The following TCF7L2 variants were observed in gnomAD, a reference collection of about 807,000 sequenced individuals.
The protein encoded by TCF7L2 is transcription factor 7-like 2.
A neutral mutation model predicts 77.9 loss-of-function variants in TCF7L2; 23 were observed. The observed-to-expected ratio is 0.30, with a 90% CI of 0.21 to 0.42. The LOEUF is 0.42. Among genes scored for constraint, TCF7L2 ranks in the 10% least tolerant of loss-of-function variants. The pLI is 1.00. For synonymous variants in TCF7L2, 413 were observed against 340.2 expected, an observed-to-expected ratio of 1.21 and a Z score of -2.36; for missense variants, 654 against 793.1, an observed-to-expected ratio of 0.82 and a Z score of 2.11.
At chr10:113,128,379 G>A (rs2066007894) in intron 5 of TCF7L2, among the ~76,000 whole-genome samples, 1 of 152,138 alleles carries the variant, frequency 6.6e-6, no homozygotes, top group Non-Finnish European at 1.5e-5. Context: ...GGGGAGCGGC[G>A]AGGGTGATTA....
chr10:113,117,744 GAAGAA>G (rs147032105), intron 5 of TCF7L2, among the ~76,000 whole-genome samples: 16,222 of 152,070 alleles, frequency 0.11, 958 homozygotes, highest in Non-Finnish European at 0.13. Context: ...TTGTGACATT[GAAGAA>G]AAGACAAGGA....
Position 113,165,985 on chromosome 10 carries a change from G to T in TCF7L2, c.*13G>T, listed in dbSNP as rs2137658810. ...GTCTTTAGAATAGCTTTAGCGTCGTGAACCCCGCTGCTTTGTTTATGGTTT... is the reference window on the plus strand; with the variant it reads ...GTCTTTAGAATAGCTTTAGCGTCGTTAACCCCGCTGCTTTGTTTATGGTTT... On this transcript the variant is annotated 3_prime_UTR_variant, in exon 14 of 14. Coordinates refer to ENST00000627217, the MANE Select transcript of TCF7L2 (RefSeq NM_001146274.2). The T allele has an allele frequency of 6.7e-7, 1 of 1,485,426 alleles. No individual in the cohort carries two copies. Among genetic ancestry groups the T allele is most frequent in the African/African-American group, 1.4e-5 (1 of 71,150 alleles). 92.0% of individuals were successfully genotyped at this position (1,485,426 alleles called of 1,614,324 possible).
intron 4 of TCF7L2, among the ~76,000 whole-genome samples, chr10:113,022,770 TGA>T (rs1161031987): frequency 6.6e-6 from 1 of 152,220 alleles, no homozygotes; most frequent in Non-Finnish European, 1.5e-5. Flanking sequence ...ACACGAACTC[TGA>T]GAGATGGCTG....
At chr10:112,974,815 G>A (rs1430211224) in intron 4 of TCF7L2, among the ~76,000 whole-genome samples, 1 of 152,144 alleles carries the variant, frequency 6.6e-6, no homozygotes, top group Non-Finnish European at 1.5e-5. Context: ...TAAAGTCCCT[G>A]AAAATCATGG....
At chr10:113,127,786 GAAGAAATTC>G (rs1360810364) in intron 5 of TCF7L2, among the ~76,000 whole-genome samples, 1 of 150,604 alleles carries the variant, frequency 6.6e-6, no homozygotes, top group Non-Finnish European at 1.5e-5. Context: ...TTTTTAGTTT[GAAGAAATTC>G]AAGAAATTTC....
intron 4 of TCF7L2, among the ~76,000 whole-genome samples, chr10:112,966,177 A>AATATACATATATATATATATATATAT (rs1564721739): frequency 2.7e-4 from 12 of 45,142 alleles, no homozygotes; most frequent in African/African-American, 1.4e-3. Context: ...CTCTGTCTAA[A>AATATACATATATATATATATATATAT]ATATATTTAT....
chr10:113,118,307 C>G (rs573452368), intron 5 of TCF7L2, among the ~76,000 whole-genome samples: 1 of 152,166 alleles, frequency 6.6e-6, no homozygotes, highest in East Asian at 1.9e-4. Context: ...ATATGTCTGT[C>G]TTGAGGTGAT....
At chr10:113,017,041 G>C (rs375870819) in intron 4 of TCF7L2, among the ~76,000 whole-genome samples, 1 of 152,086 alleles carries the variant, frequency 6.6e-6, no homozygotes, top group Non-Finnish European at 1.5e-5. Flanking sequence ...TTGTACCAGC[G>C]ATATCTCTTC....
At chr10:113,066,706 A>G (rs560998130) in intron 5 of TCF7L2, among the ~76,000 whole-genome samples, 23 of 152,356 alleles carry the variant, frequency 1.5e-4, no homozygotes, top group African/African-American at 5.3e-4. Context: ...TGGTTGTGCC[A>G]ACGATCAGCT....
chr10:113,122,749 G>A (rs1217830750), intron 5 of TCF7L2, among the ~76,000 whole-genome samples: 1 of 152,190 alleles, frequency 6.6e-6, no homozygotes, highest in African/African-American at 2.4e-5. Context: ...GGAATTTCTA[G>A]TAAATTGCTT....
At chr10:112,972,020 A>G (rs1267881189) in intron 4 of TCF7L2, among the ~76,000 whole-genome samples, 1 of 151,838 alleles carries the variant, frequency 6.6e-6, no homozygotes, top group Non-Finnish European at 1.5e-5. Context: ...TCCTGAGTTC[A>G]AGGGATTCTC....
chr10:112,994,365 G>A (rs536326685), intron 4 of TCF7L2, among the ~76,000 whole-genome samples: 9 of 152,186 alleles, frequency 5.9e-5, no homozygotes, highest in Non-Finnish European at 1.0e-4. Flanking sequence ...CTTAGCATAC[G>A]GTTCTCAAGG....
intron 5 of TCF7L2, among the ~76,000 whole-genome samples, chr10:113,068,581 C>T (rs1306669762): frequency 6.6e-6 from 1 of 152,176 alleles, no homozygotes; most frequent in Non-Finnish European, 1.5e-5. Flanking sequence ...AGTTCAAACA[C>T]TAAACACGGG....
At chr10:112,964,751 G>GTGATGGTGGTGGTGGTGGTGGTGGTGA (rs2036169532) in intron 4 of TCF7L2, 127 bp downstream of exon 4, 1 of 872,996 alleles carries the variant, frequency 1.1e-6, no homozygotes, top group African/African-American at 1.9e-5. Flanking sequence ...GGTGGTGGTG[G>GTGATGGTGGTGGTGGTGGTGGTGGTGA]TGGTGGTGAT....
intron 5 of TCF7L2, among the ~76,000 whole-genome samples, chr10:113,081,819 A>G (rs916064636): frequency 6.6e-6 from 1 of 152,102 alleles, no homozygotes; most frequent in African/African-American, 2.4e-5. Flanking sequence ...GGTCTGTTTG[A>G]ACTTCATTAT....
intron 4 of TCF7L2, among the ~76,000 whole-genome samples, chr10:112,974,784 C>G (rs1388287128): frequency 1.3e-5 from 2 of 152,116 alleles, no homozygotes; most frequent in Non-Finnish European, 2.9e-5. Context: ...TTTGTAAATT[C>G]TACTTTATAA....
intron 8 of TCF7L2, 95 bp from the exon 9 acceptor site, chr10:113,150,903 G>T (rs954173227): frequency 6.6e-7 from 1 of 1,516,704 alleles, no homozygotes; most frequent in Non-Finnish European, 8.9e-7. Flanking sequence ...TGAGTGTTAC[G>T]TGCTGTTTTT....
chr10:113,122,159 T>G (rs2064909432), intron 5 of TCF7L2, among the ~76,000 whole-genome samples: 2 of 152,264 alleles, frequency 1.3e-5, no homozygotes, highest in African/African-American at 4.8e-5. Flanking sequence ...ACACTTCTGC[T>G]TAAATTCTGA....
At chr10:113,072,048 A>C (rs1591326180) in intron 5 of TCF7L2, among the ~76,000 whole-genome samples, 1 of 92,440 alleles carries the variant, frequency 1.1e-5, no homozygotes, top group Non-Finnish European at 2.8e-5. Context: ...TTTTATTTTA[A>C]TTAATTAATT....
Sources: allele counts gnomAD v4.1 joint callset (sites outside exome capture counted in the v4.1 genomes callset), GRCh38; gene constraint gnomAD v4.1.1; transcripts MANE v1.5; gene names NCBI Gene and HGNC (gene_info 2026-07-23, HGNC 2026-07-21).